Variants in CDH2 observed in about 807,000 individuals in gnomAD.
CDH2 encodes cadherin 2, also known as cadherin-2.
CDH2 carries 17 observed loss-of-function variants against 92.0 expected under a neutral mutation model. That is an observed-to-expected ratio of 0.18 (90% CI 0.13 to 0.28). The LOEUF (loss-of-function observed/expected upper bound fraction) is 0.28, where lower values mean the gene tolerates loss of function less well. Among genes scored for constraint, CDH2 ranks in the 10% least tolerant of loss-of-function variants. The probability of loss-of-function intolerance (pLI) is 1.00; values close to 1 mark genes in which losing one functional copy is unlikely to be tolerated. For synonymous variants in CDH2, 419 were observed against 415.9 expected (o/e 1.01, Z -0.09); for missense variants, 862 against 1,133.1 (o/e 0.76, Z 3.44).
chr18:28,081,851 C>T (rs779044866), intron 2 of CDH2, among the ~76,000 whole-genome samples: 22 of 152,254 alleles, frequency 1.4e-4, no homozygotes, highest in East Asian at 1.2e-3. Context: ...GTGAATAATG[C>T]TTATCAAAGG....
At chr18:27,946,546 A>C (rs1567930586), downstream of CDH2, among the ~76,000 whole-genome samples, 5 of 152,146 alleles carry the variant, frequency 3.3e-5, no homozygotes, top group Admixed American at 3.3e-4. Flanking sequence ...ACCTATCCCC[A>C]AAATGATAAA....
intron 2 of CDH2, among the ~76,000 whole-genome samples, chr18:28,050,230 T>A (rs1330848816): frequency 6.6e-6 from 1 of 152,156 alleles, no homozygotes; most frequent in Non-Finnish European, 1.5e-5. Context: ...CAACAACACA[T>A]CATCACAAAT....
chr18:28,026,054 T>C (rs2013545531), intron 2 of CDH2, among the ~76,000 whole-genome samples: 1 of 152,172 alleles, frequency 6.6e-6, no homozygotes, highest in South Asian at 2.1e-4. Context: ...GGCCAGTCAA[T>C]GCTTTATGAA....
intron 1 of CDH2, among the ~76,000 whole-genome samples, chr18:28,160,936 A>G (rs2016297506): frequency 6.6e-6 from 1 of 152,174 alleles, no homozygotes; most frequent in African/African-American, 2.4e-5. Context: ...CAAGGTTCAG[A>G]AATGTCCAAT....
chr18:28,063,880 T>C (rs11083244), intron 2 of CDH2, among the ~76,000 whole-genome samples: 29,259 of 152,258 alleles, frequency 0.19, 3,619 homozygotes, highest in Non-Finnish European at 0.27. Context: ...CAAAATATTA[T>C]TGGCTACTGT....
chr18:28,014,252 C>A (rs770266941), intron 2 of CDH2, among the ~76,000 whole-genome samples: 1 of 152,096 alleles, frequency 6.6e-6, no homozygotes, highest in Non-Finnish European at 1.5e-5. Context: ...ACTCTTCAGT[C>A]CCAGGTCTAA....
intron 13 of CDH2, among the ~76,000 whole-genome samples, chr18:27,983,736 T>C (rs1384922140): frequency 6.6e-6 from 1 of 152,228 alleles, no homozygotes; most frequent in African/African-American, 2.4e-5. Context: ...TTCCAGTGAG[T>C]TGATGTTAAA....
chr18:28,004,261 G>A (rs991678090), intron 6 of CDH2, among the ~76,000 whole-genome samples: 15 of 152,180 alleles, frequency 9.9e-5, no homozygotes, highest in African/African-American at 3.6e-4. Flanking sequence ...TATCCACAGT[G>A]TCAGAACAAG....
At chr18:28,015,234 CT>C (rs1567964960) in intron 2 of CDH2, among the ~76,000 whole-genome samples, 1 of 152,224 alleles carries the variant, frequency 6.6e-6, no homozygotes, top group East Asian at 1.9e-4. Flanking sequence ...CCATAAAATC[CT>C]TGATAGAAGT....
chr18:28,012,780 C>G (rs537581983), intron 3 of CDH2, among the ~76,000 whole-genome samples: 1 of 151,996 alleles, frequency 6.6e-6, no homozygotes, highest in South Asian at 2.1e-4. Context: ...ATAATAAAAC[C>G]ACAACACTGA....
intron 11 of CDH2, among the ~76,000 whole-genome samples, chr18:27,987,270 G>T (rs1567951003): frequency 1.3e-5 from 2 of 152,228 alleles, no homozygotes; most frequent in South Asian, 4.2e-4. Flanking sequence ...GCATAAAACA[G>T]GTACTAATGA....
chr18:27,933,889 A>T lies in CDH2; in HGVS notation c.1152-765T>A, dbSNP rs76964408. ...ATCAGAACTTGTTGACTTGAAGGCC[A>T]TGGTATATTAGCAAATGGTGATAAT... On this transcript the variant is annotated intron_variant, in intron 6 of 6. Transcript: ENST00000675173. Among the ~76,000 whole-genome samples the T allele has an allele frequency of 2.2e-3, 329 of 152,344 alleles. 1 individual carries two copies. The highest frequency in any genetic ancestry group is 7.6e-3 in the African/African-American group (318 of 41,586).
chr18:28,103,747 C>G (rs950355412), intron 2 of CDH2, among the ~76,000 whole-genome samples: 1 of 151,830 alleles, frequency 6.6e-6, no homozygotes, highest in African/African-American at 2.4e-5. Flanking sequence ...TGAGAACATG[C>G]GGTAGCTAGT....
chr18:28,011,500 C>G (rs1049192120), intron 4 of CDH2, among the ~76,000 whole-genome samples: 1 of 152,098 alleles, frequency 6.6e-6, no homozygotes, highest in Admixed American at 6.6e-5. Flanking sequence ...TCACAGAGAG[C>G]CCAGCTTTCA....
chr18:28,110,017 A>T lies in CDH2; in HGVS notation c.172+37656T>A, dbSNP rs566109418. Among the ~76,000 whole-genome samples, 14 of 152,310 alleles carry T rather than the reference A, an allele frequency of 9.2e-5. No homozygotes were observed. The South Asian group carries it at 2.5e-3, about 27-fold the overall frequency. On this transcript the variant is annotated intron_variant, in intron 2 of 15. Coordinates refer to ENST00000269141, the MANE Select transcript of CDH2 (RefSeq NM_001792.5). ...CAGAAGGAATTGTCATGGCAAGAGC[A>T]TACAAATACAAGGCCATATGGTGTC...
intron 14 of CDH2, among the ~76,000 whole-genome samples, chr18:27,966,384 T>C (rs1267732542): frequency 6.6e-6 from 1 of 152,166 alleles, no homozygotes; most frequent in African/African-American, 2.4e-5. Flanking sequence ...ATAGAGGAAT[T>C]TCGTTCATAT....
intron 1 of CDH2, among the ~76,000 whole-genome samples, chr18:28,159,670 T>G (rs1487702990): frequency 1.3e-5 from 2 of 151,748 alleles, no homozygotes; most frequent in Non-Finnish European, 2.9e-5. Flanking sequence ...TTTTTTTTTT[T>G]TTTTGAAAGG....
intron 1 of CDH2, among the ~76,000 whole-genome samples, chr18:28,149,678 T>C (rs765011528): frequency 2.6e-5 from 4 of 152,112 alleles, no homozygotes; most frequent in Non-Finnish European, 5.9e-5. Flanking sequence ...GTGATAAACA[T>C]GAAATTTAGG....
chr18:28,103,550 G>A (rs1482458956), intron 2 of CDH2, among the ~76,000 whole-genome samples: 1 of 151,268 alleles, frequency 6.6e-6, no homozygotes, highest in African/African-American at 2.4e-5. Context: ...ACTGCAGAAC[G>A]TGCAGGTTTG....
Sources: gnomAD v4.1 joint callset for allele counts (sites outside exome capture counted in the v4.1 genomes callset) on GRCh38, gnomAD v4.1.1 for gene constraint, MANE v1.5 for transcripts, NCBI Gene and HGNC (gene_info 2026-07-23, HGNC 2026-07-21) for gene names.